The following GAREM1 variants were observed in gnomAD, a reference collection of about 807,000 sequenced individuals.
GAREM1 encodes GRB2 associated regulator of MAPK1 subtype 1.
In GAREM1, 26 loss-of-function variants were observed where a neutral mutation model predicts 71.3. That is an observed-to-expected ratio of 0.36 (90% CI 0.27 to 0.51). The LOEUF (loss-of-function observed/expected upper bound fraction) is 0.51. Ranked by LOEUF, GAREM1 falls within the 20% of genes least tolerant of loss-of-function variation. The pLI, the probability that GAREM1 is intolerant of heterozygous loss-of-function variation, is 0.95. For synonymous variants in GAREM1, 440 were observed against 433.2 expected, an observed-to-expected ratio of 1.02 and a Z score of -0.20; for missense variants, 1,026 against 1,103.1, an observed-to-expected ratio of 0.93 and a Z score of 0.99.
At chr18:32,310,434 T>C (rs2047307982) in intron 2 of GAREM1, 111 bp from the exon 3 acceptor site, 1 of 1,053,454 alleles carries the variant, frequency 9.5e-7, no homozygotes. Flanking sequence ...CAAAGATTCC[T>C]GTTCATCATT....
At chr18:32,331,948 C>T (rs538244981) in intron 2 of GAREM1, among the ~76,000 whole-genome samples, 6 of 151,374 alleles carry the variant, frequency 4.0e-5, no homozygotes, top group Non-Finnish European at 5.9e-5. Context: ...ACCCAGGGGA[C>T]GGGAAAAGGC....
At position 32,268,388 on chromosome 18, in the gene GAREM1, C is replaced by T. The variant is rs751254822; in HGVS notation, c.2114G>A (p.Ser705Asn). 1.2e-6 allele frequency: 2 copies of T among 1,614,096 alleles called. No homozygotes were observed. Among genetic ancestry groups the T allele is most frequent in the Admixed American group, 1.7e-5 (1 of 60,006 alleles). Residue 705 changes from serine (S) to asparagine (N), a missense_variant, in exon 6 of 6, where the codon AGC (serine) becomes AAC (asparagine). By Grantham distance (46) the Ser-to-Asn change is conservative. Transcript: ENST00000269209. ...AGCTGCAAGAGATTTCACATCTGTG[C>T]TCTCCAGAGAGTAGCTGGCTGACTT... ...CPKSASYSLE[S>N]TDVKSLAAGV...
rs1236682489 is a variant in GAREM1 at position 32,306,157 on chromosome 18, G to A, written c.393+4036C>T. 2.6e-5 allele frequency among the ~76,000 whole-genome samples: 4 copies of A among 152,266 alleles called. No homozygotes were observed. The East Asian group carries it at 7.7e-4, about 29-fold the overall frequency. On this transcript the variant is annotated intron_variant, in intron 3 of 5. Transcript: ENST00000269209. ...CACATTTTGCTAAATTTCATGGTTA[G>A]TTCTCAGTCCTCATCTAATTCAATT...
chr18:32,326,669 C>T (rs906380251), intron 2 of GAREM1, among the ~76,000 whole-genome samples: 2 of 152,174 alleles, frequency 1.3e-5, no homozygotes, highest in Admixed American at 6.5e-5. Flanking sequence ...CACAAGAGAC[C>T]GACACTGTCT....
In GAREM1 at chr18:32,361,170, A is replaced by G. The variant is rs141081048; in HGVS notation, c.262+31725T>C. ...ACTGTCGTTGCCTACATTGCCTCAC[A>G]CAGTTCATAAGTAGATTATCTGCCT... On this transcript the variant is annotated intron_variant, in intron 2 of 5. Coordinates refer to ENST00000269209, the MANE Select transcript of GAREM1 (RefSeq NM_001242409.2). 7.2e-5 allele frequency among the ~76,000 whole-genome samples: 11 copies of G among 152,272 alleles called. No individual in the cohort carries two copies. In the East Asian group the frequency reaches 1.5e-3, roughly 21 times the overall value.
chr18:32,360,123 A>C (rs1408429477), intron 2 of GAREM1, among the ~76,000 whole-genome samples: 1 of 151,120 alleles, frequency 6.6e-6, no homozygotes, highest in Non-Finnish European at 1.5e-5. Flanking sequence ...GAAAATTTTG[A>C]CTTTCTGGGA....
intron 4 of GAREM1, among the ~76,000 whole-genome samples, chr18:32,281,708 C>T (rs1285876394): frequency 6.6e-6 from 1 of 152,172 alleles, no homozygotes; most frequent in African/African-American, 2.4e-5. Context: ...GGCACGGTGG[C>T]TCATGCCTGT....
At chr18:32,430,662 A>G (rs1418360457) in intron 1 of GAREM1, among the ~76,000 whole-genome samples, 2 of 152,226 alleles carry the variant, frequency 1.3e-5, no homozygotes, top group African/African-American at 4.8e-5. Flanking sequence ...AGAGGACATG[A>G]CTTTGATGTA....
At chr18:32,358,152 C>A (rs1275440690) in intron 2 of GAREM1, among the ~76,000 whole-genome samples, 3 of 122,524 alleles carry the variant, frequency 2.4e-5, no homozygotes, top group African/African-American at 9.2e-5. Context: ...GCTTCAATGA[C>A]ATCCCACCCC....
chr18:32,387,036 A>T (rs958374979), intron 2 of GAREM1, among the ~76,000 whole-genome samples: 69 of 94,872 alleles, frequency 7.3e-4, no homozygotes, highest in African/African-American at 4.0e-3. Context: ...TTTTTTTTTA[A>T]AAAAAAATCA....
intron 1 of GAREM1, among the ~76,000 whole-genome samples, chr18:32,396,066 C>A (rs527455378): frequency 6.6e-6 from 1 of 152,342 alleles, no homozygotes; most frequent in South Asian, 2.1e-4. Flanking sequence ...CTGGAGTGGA[C>A]CTCCAGCAAA....
At chr18:32,335,808 T>C (rs1231677295) in intron 2 of GAREM1, among the ~76,000 whole-genome samples, 1 of 152,190 alleles carries the variant, frequency 6.6e-6, no homozygotes, top group African/African-American at 2.4e-5. Context: ...TGTAGACAAT[T>C]CTAGTTGCAA....
At chr18:32,295,683 T>C (rs1433458284) in intron 3 of GAREM1, among the ~76,000 whole-genome samples, 5 of 152,216 alleles carry the variant, frequency 3.3e-5, no homozygotes, top group African/African-American at 1.2e-4. Flanking sequence ...AACAGTACTA[T>C]AAAAAACAAA....
At chr18:32,321,155 G>A (rs2047424270) in intron 2 of GAREM1, among the ~76,000 whole-genome samples, 1 of 152,044 alleles carries the variant, frequency 6.6e-6, no homozygotes, top group African/African-American at 2.4e-5. Flanking sequence ...AACACTTGTA[G>A]AATAAATGAA....
chr18:32,364,050 T>G (rs1310794903), intron 2 of GAREM1, among the ~76,000 whole-genome samples: 4 of 113,396 alleles, frequency 3.5e-5, no homozygotes, highest in Non-Finnish European at 7.5e-5. Context: ...TTTTTTTTTT[T>G]GTGAGACACA....
intron 2 of GAREM1, among the ~76,000 whole-genome samples, chr18:32,312,574 C>T (rs2047335349): frequency 1.3e-5 from 2 of 152,088 alleles, no homozygotes; most frequent in African/African-American, 4.8e-5. Flanking sequence ...TAAGAATGGG[C>T]ACCAGATATT....
At chr18:32,373,179 A>G (rs1322631723) in intron 2 of GAREM1, among the ~76,000 whole-genome samples, 1 of 152,224 alleles carries the variant, frequency 6.6e-6, no homozygotes, top group Non-Finnish European at 1.5e-5. Context: ...ATAGTCAAAC[A>G]GTCTAGCTAA....
rs1042819257 is a variant in GAREM1, at chr18:32,329,737, T to TA, written c.263-19415dup. On this transcript the variant is annotated intron_variant, in intron 2 of 5. Transcript: ENST00000269209. ...AAAAAAAAAAAAAAGATTGAAAAGC[T>TA]AAAAAAAAATAAGTTCCTGATGTAG... Among the ~76,000 whole-genome samples, 9 of 126,910 alleles carry TA rather than the reference T, an allele frequency of 7.1e-5. No homozygotes were observed. The South Asian group carries it at 1.0e-3, about 15-fold the overall frequency. The allele number at this position is 126,910 out of a possible 152,430, so 83.3% of individuals were successfully genotyped here.
intron 1 of GAREM1, among the ~76,000 whole-genome samples, chr18:32,417,514 T>C (rs905820926): frequency 8.5e-5 from 13 of 152,284 alleles, no homozygotes; most frequent in African/African-American, 3.1e-4. Flanking sequence ...GTGGAACTTA[T>C]AGACAATGGA....
Sources: gnomAD v4.1 joint callset for allele counts (sites outside exome capture counted in the v4.1 genomes callset) on GRCh38, gnomAD v4.1.1 for gene constraint, MANE v1.5 for transcripts, NCBI Gene and HGNC (gene_info 2026-07-23, HGNC 2026-07-21) for gene names.